HHIPL1: variants seen among roughly 807,000 people sequenced by gnomAD.
HHIPL1 encodes HHIP-like protein 1.
A neutral mutation model predicts 61.8 loss-of-function variants in HHIPL1; 43 were observed. The ratio of observed to expected loss-of-function variants is 0.70; its 90% confidence interval spans 0.55 to 0.90. The LOEUF is 0.90. HHIPL1 is among the 40% of genes least tolerant of loss of function. The probability of loss-of-function intolerance (pLI) is 0.00; values close to 1 mark genes in which losing one functional copy is unlikely to be tolerated. For missense variants in HHIPL1, 1,056 were observed against 1,157.7 expected (o/e 0.91, Z 1.28); for synonymous variants, 482 against 515.8 (o/e 0.93, Z 0.89).
intron 6 of HHIPL1, 115 bp downstream of exon 6, chr14:99,663,136 T>G: frequency 4.0e-6 from 4 of 993,844 alleles, no homozygotes; most frequent in Non-Finnish European, 5.7e-6. Flanking sequence ...CTGAAATTAG[T>G]TCCCACCTGG....
Position 99,668,904 on chromosome 14 carries a change from G to T in HHIPL1, c.1730+601G>T. On this transcript the variant is annotated intron_variant, in intron 7 of 8. Coordinates refer to ENST00000330710, the MANE Select transcript of HHIPL1 (RefSeq NM_001127258.3). The surrounding 1 kb of genome is among the most constrained non-coding windows in gnomAD (Gnocchi z 4.7). ...TGTGCAGCTCATTGACGTCTCAGCC[G>T]TTCATTTTACAGTGGTGGAAATGAG... is the stretch of plus-strand genomic sequence containing the variant. The T allele has an allele frequency of 6.2e-7, 1 of 1,613,318 alleles. No individual in the cohort carries two copies. The highest frequency in any genetic ancestry group is 8.5e-7 in the Non-Finnish European group (1 of 1,179,362).
At chr14:99,638,105 C>T in the HHIPL1 span, among the ~76,000 whole-genome samples, 2 of 152,182 alleles carry the variant, frequency 1.3e-5, no homozygotes, top group African/African-American at 4.8e-5. Context: ...AGGATGTTTA[C>T]GAAGGCTGGC....
intron 2 of HHIPL1, among the ~76,000 whole-genome samples, chr14:99,654,748 G>T (rs2056000422): frequency 6.6e-6 from 1 of 152,214 alleles, no homozygotes; most frequent in African/African-American, 2.4e-5. Context: ...TTTTGACTAT[G>T]AGCTTCCTGG....
chr14:99,632,049 C>G, the HHIPL1 span, among the ~76,000 whole-genome samples: 6 of 152,262 alleles, frequency 3.9e-5, 1 homozygote, highest in African/African-American at 1.4e-4. Flanking sequence ...GGGGTGAGAC[C>G]AGCAACACCA....
At chr14:99,673,062 G>A (rs575145346) in intron 8 of HHIPL1, among the ~76,000 whole-genome samples, 30 of 152,278 alleles carry the variant, frequency 2.0e-4, no homozygotes, top group African/African-American at 6.3e-4. Flanking sequence ...AAGTGTTGGC[G>A]ACTAGTTCAG....
Position 99,660,272 on chromosome 14 carries a change from C to T in HHIPL1, c.1376-8C>T, listed in dbSNP as rs369021737. ...CTCACCGAAGCTTCTCTCCCTCCCA[C>T]CCCGCAGATGACTTGCTGCCGATTT... On this transcript the variant is annotated splice_region_variant and splice_polypyrimidine_tract_variant and intron_variant, in intron 4 of 8. Transcript: ENST00000330710. The surrounding 1 kb of genome is among the most constrained non-coding windows in gnomAD (Gnocchi z 4.9). 1.9e-5 allele frequency: 31 copies of T among 1,614,032 alleles called. No individual in the cohort carries two copies. The African/African-American group carries it at 4.0e-4, about 21-fold the overall frequency.
the HHIPL1 span, among the ~76,000 whole-genome samples, chr14:99,632,276 T>G: frequency 6.6e-6 from 1 of 152,190 alleles, no homozygotes; most frequent in Admixed American, 6.5e-5. Flanking sequence ...AGCAGGAATC[T>G]TCTTACCTGC....
chr14:99,671,834 C>G (rs2140094259), intron 7 of HHIPL1, among the ~76,000 whole-genome samples: 1 of 152,262 alleles, frequency 6.6e-6, no homozygotes, highest in East Asian at 1.9e-4. Context: ...TTAGGTGGTT[C>G]CAGGCAGAGG....
rs1055845712 is a variant in HHIPL1 at position 99,676,222 on chromosome 14, G to C, written c.*596G>C. On this transcript the variant is annotated 3_prime_UTR_variant, in exon 9 of 9. Transcript: ENST00000330710. Reference sequence around the variant, plus strand: ...AAGGTGGGAGCAGGGTGAGCTGCAGGCCTGGGGCCCCACTGGAGGGGCAGG... The same window carrying C: ...AAGGTGGGAGCAGGGTGAGCTGCAGCCCTGGGGCCCCACTGGAGGGGCAGG... 6 of 153,172 alleles carry C rather than the reference G, an allele frequency of 3.9e-5. No homozygotes were observed. Among genetic ancestry groups the C allele is most frequent in the Non-Finnish European group, 8.7e-5 (6 of 68,788 alleles). 9.5% of individuals were successfully genotyped at this position (153,172 alleles called of 1,614,324 possible).
Position 99,660,252 on chromosome 14 carries a change from C to A in HHIPL1, c.1376-28C>A. 2 of 1,613,628 alleles carry A rather than the reference C, an allele frequency of 1.2e-6. No homozygotes were observed. The highest frequency in any genetic ancestry group is 1.7e-6 in the Non-Finnish European group (2 of 1,179,902). On this transcript the variant is annotated intron_variant, in intron 4 of 8. Transcript: ENST00000330710. This position sits in a 1 kb window ranked among gnomAD's most constrained non-coding sequence, Gnocchi z 4.9. ...ATGAACCTTCCCGCCGCTGGCTCAC[C>A]GAAGCTTCTCTCCCTCCCACCCCGC...
At chr14:99,629,620 C>T in the HHIPL1 span, among the ~76,000 whole-genome samples, 1 of 151,884 alleles carries the variant, frequency 6.6e-6, no homozygotes, top group Non-Finnish European at 1.5e-5. Flanking sequence ...GCCTCAGCCT[C>T]CCAAGTAGCT....
At chr14:99,616,565 C>T in the HHIPL1 span, among the ~76,000 whole-genome samples, 23,139 of 151,906 alleles carry the variant, frequency 0.15, 2,298 homozygotes, top group African/African-American at 0.28. Context: ...TGTGTTGTTT[C>T]CAAATATAGA....
the HHIPL1 span, among the ~76,000 whole-genome samples, chr14:99,621,876 C>T: frequency 3.3e-5 from 5 of 151,722 alleles, no homozygotes; most frequent in Non-Finnish European, 5.9e-5. Flanking sequence ...CCACCATGCC[C>T]GGCTAATTTT....
At chr14:99,623,588 G>A in the HHIPL1 span, among the ~76,000 whole-genome samples, 40 of 152,076 alleles carry the variant, frequency 2.6e-4, no homozygotes, top group African/African-American at 7.5e-4. Context: ...TGATTTTTTT[G>A]TTTCTTAAAG....
chr14:99,630,705 C>CTG, the HHIPL1 span, among the ~76,000 whole-genome samples: 2,148 of 152,296 alleles, frequency 0.014, 60 homozygotes, highest in African/African-American at 0.049. Flanking sequence ...CACACAGACT[C>CTG]TGTTAGTTTG....
chr14:99,669,134 C>T lies in HHIPL1; in HGVS notation c.1730+831C>T, dbSNP rs572577957. 1.1e-4 allele frequency: 147 copies of T among 1,382,892 alleles called. No individual in the cohort carries two copies. In the African/African-American group the frequency reaches 1.6e-3, roughly 15 times the overall value. 85.7% of individuals were successfully genotyped at this position (1,382,892 alleles called of 1,614,324 possible). A position where few individuals can be genotyped will look rare whatever the true frequency, so the allele number is the denominator to read the frequency against. On this transcript the variant is annotated intron_variant, in intron 7 of 8. Transcript: ENST00000330710. Reference sequence around the variant, plus strand: ...CAGACTTGGTAATCCCTGGGCTACACGACTGACTCTCTCCCAGCTGCTCTG... The same window carrying T: ...CAGACTTGGTAATCCCTGGGCTACATGACTGACTCTCTCCCAGCTGCTCTG...
intron 1 of HHIPL1, among the ~76,000 whole-genome samples, chr14:99,647,721 G>T (rs2055864252): frequency 6.6e-6 from 1 of 152,222 alleles, no homozygotes; most frequent in Admixed American, 6.5e-5. Context: ...TCTGCATTTG[G>T]CACCTCCTGA....
the HHIPL1 span, among the ~76,000 whole-genome samples, chr14:99,617,890 G>C: frequency 6.6e-6 from 1 of 152,188 alleles, no homozygotes; most frequent in African/African-American, 2.4e-5. Context: ...AGGGATGACT[G>C]TGCCCATTTT....
At chr14:99,619,521 G>A in the HHIPL1 span, among the ~76,000 whole-genome samples, 1 of 151,744 alleles carries the variant, frequency 6.6e-6, no homozygotes, top group African/African-American at 2.4e-5. Context: ...TGCAATGTAA[G>A]CAGGGGTTCT....
Sources: allele counts gnomAD v4.1 joint callset (sites outside exome capture counted in the v4.1 genomes callset), GRCh38; gene constraint gnomAD v4.1.1; non-coding constraint Gnocchi (gnomAD v3.1); transcripts MANE v1.5; gene names NCBI Gene and HGNC (gene_info 2026-07-23, HGNC 2026-07-21).